The following SLC24A2 variants were observed in gnomAD, a reference collection of about 807,000 sequenced individuals.
SLC24A2 encodes the protein solute carrier family 24 member 2, also known as sodium/potassium/calcium exchanger 2.
In SLC24A2, 36 loss-of-function variants were observed where a neutral mutation model predicts 62.0. The ratio of observed to expected loss-of-function variants is 0.58; its 90% CI spans 0.44 to 0.77. The LOEUF (loss-of-function observed/expected upper bound fraction) is 0.77, where lower values mean the gene tolerates loss of function less well. Among genes scored for constraint, SLC24A2 ranks in the 30% least tolerant of loss-of-function variants. The pLI is 0.00. For synonymous variants in SLC24A2, 358 were observed against 294.0 expected (o/e 1.22, Z -2.23); for missense variants, 846 against 817.9 (o/e 1.03, Z -0.42).
chr9:19,762,386 G>C (rs1484680215), intron 2 of SLC24A2, among the ~76,000 whole-genome samples: 1 of 152,146 alleles, frequency 6.6e-6, no homozygotes, highest in African/African-American at 2.4e-5. Flanking sequence ...CTTTGCCCAT[G>C]CCTATGTCCT....
At chr9:20,234,783 T>C in the SLC24A2 span, among the ~76,000 whole-genome samples, 2 of 152,114 alleles carry the variant, frequency 1.3e-5, no homozygotes, top group African/African-American at 4.8e-5. Context: ...CTGTGTTCCT[T>C]TGGAGGAGGA....
intron 2 of SLC24A2, among the ~76,000 whole-genome samples, chr9:19,636,309 C>T (rs550303991): frequency 2.5e-5 from 1 of 40,438 alleles, no homozygotes; most frequent in African/African-American, 1.0e-4. Context: ...CTTTTCTTTT[C>T]TTTTCTTTTC....
intron 5 of SLC24A2, among the ~76,000 whole-genome samples, chr9:19,595,783 C>A (rs1217524543): frequency 6.6e-6 from 1 of 152,096 alleles, no homozygotes; most frequent in Non-Finnish European, 1.5e-5. Flanking sequence ...AGGTAATGGA[C>A]AGGATGGAGG....
the SLC24A2 span, among the ~76,000 whole-genome samples, chr9:20,116,100 C>T: frequency 6.6e-6 from 1 of 152,120 alleles, no homozygotes; most frequent in African/African-American, 2.4e-5. Context: ...GAAGTTGTCT[C>T]AAGACCAAAA....
chr9:19,620,402 G>C (rs891913109), intron 3 of SLC24A2, among the ~76,000 whole-genome samples: 1 of 152,158 alleles, frequency 6.6e-6, no homozygotes, highest in African/African-American at 2.4e-5. Flanking sequence ...AAGCAGCATA[G>C]CTTGTGTTAA....
chr9:19,793,088 A>C (rs971545857), upstream of SLC24A2, among the ~76,000 whole-genome samples: 1 of 152,238 alleles, frequency 6.6e-6, no homozygotes, highest in Non-Finnish European at 1.5e-5. Context: ...ATTTTGGCTA[A>C]CACATATCTG....
intron 2 of SLC24A2, among the ~76,000 whole-genome samples, chr9:19,699,378 T>C (rs1820290679): frequency 2.0e-5 from 3 of 152,152 alleles, no homozygotes; most frequent in South Asian, 4.1e-4. Context: ...TCCACTGCTG[T>C]TGGAAATAAA....
chr9:19,589,193 A>G (rs1379146329), intron 5 of SLC24A2, among the ~76,000 whole-genome samples: 3 of 152,248 alleles, frequency 2.0e-5, no homozygotes, highest in Non-Finnish European at 4.4e-5. Context: ...TGTAATAACT[A>G]AATAAATCAA....
chr9:20,045,025 G>A, the SLC24A2 span, among the ~76,000 whole-genome samples: 3 of 152,102 alleles, frequency 2.0e-5, no homozygotes, highest in African/African-American at 7.2e-5. Context: ...TTCTAGCACA[G>A]TGTCTGGTAT....
intron 2 of SLC24A2, among the ~76,000 whole-genome samples, chr9:19,642,671 C>CTT (rs71335440): frequency 1.9e-4 from 15 of 79,848 alleles, no homozygotes; most frequent in Non-Finnish European, 2.5e-4. Context: ...AGAGCGTATT[C>CTT]TTTTTTTTTT....
rs7846988 is a variant in SLC24A2 at position 19,513,498 on chromosome 9, A to G, written c.*2655T>C. On this transcript the variant is annotated 3_prime_UTR_variant, in exon 11 of 11. Transcript: ENST00000341998. ...TGACTGATGTGGGAACGGGGCTTGG[A>G]AATTTTGTCTTCTCAAATGCAACTT... 2.6e-5 allele frequency: 4 copies of G among 152,048 alleles called. No homozygotes were observed. The highest frequency in any genetic ancestry group is 9.7e-5 in the African/African-American group (4 of 41,388). The allele number at this position is 152,048 out of a possible 1,614,324, so 9.4% of individuals were successfully genotyped here.
chr9:19,823,297 TTGTGTGTGTGTGTG>T, the SLC24A2 span, among the ~76,000 whole-genome samples: 3 of 150,142 alleles, frequency 2.0e-5, no homozygotes, highest in South Asian at 2.1e-4. Flanking sequence ...TGTATTAACA[TTGTGTGTGTGTGTG>T]TGTGTGTGTG....
At chr9:19,604,784 G>A (rs1415507772) in intron 4 of SLC24A2, among the ~76,000 whole-genome samples, 1 of 152,182 alleles carries the variant, frequency 6.6e-6, no homozygotes, top group African/African-American at 2.4e-5. Context: ...TGATGTGACA[G>A]TAATTCAAGG....
intron 2 of SLC24A2, among the ~76,000 whole-genome samples, chr9:19,653,846 CA>C (rs1174665977): frequency 6.6e-6 from 1 of 152,192 alleles, no homozygotes; most frequent in Non-Finnish European, 1.5e-5. Flanking sequence ...TGCTGGCCCT[CA>C]AAGTTGCAGC....
At chr9:20,135,408 T>A in the SLC24A2 span, among the ~76,000 whole-genome samples, 23 of 147,300 alleles carry the variant, frequency 1.6e-4, no homozygotes, top group Non-Finnish European at 1.3e-4. Context: ...ATTACCTCAG[T>A]AATTAAAAGC....
chr9:19,887,095 T>C, the SLC24A2 span, among the ~76,000 whole-genome samples: 1 of 152,204 alleles, frequency 6.6e-6, no homozygotes, highest in African/African-American at 2.4e-5. Flanking sequence ...AGCTGATGCG[T>C]GCTGCGCTTA....
the SLC24A2 span, among the ~76,000 whole-genome samples, chr9:20,109,376 A>G: frequency 6.6e-6 from 1 of 152,312 alleles, no homozygotes; most frequent in East Asian, 1.9e-4. Context: ...TAGGGACTTG[A>G]ATTTCAGGAA....
rs796153535 is a variant in SLC24A2 at position 19,589,873 on chromosome 9, C to T, written c.1129+7356G>A. ...ATCTTGAGCATTGCAAAAGAAGGGG[C>T]ATCAAAGCATCCATTATCTGAACAC... On this transcript the variant is annotated intron_variant, in intron 5 of 10. Transcript: ENST00000341998. Among the ~76,000 whole-genome samples the T allele has an allele frequency of 2.0e-4, 30 of 152,244 alleles. 1 individual carries two copies. Among genetic ancestry groups the T allele is most frequent in the African/African-American group, 6.0e-4 (25 of 41,552 alleles).
At chr9:20,225,560 T>TTATA in the SLC24A2 span, among the ~76,000 whole-genome samples, 4 of 100,270 alleles carry the variant, frequency 4.0e-5, 1 homozygote, top group African/African-American at 1.0e-4. Context: ...ACTATATATA[T>TTATA]TATATATATA....
Sources: allele counts gnomAD v4.1 joint callset (sites outside exome capture counted in the v4.1 genomes callset), GRCh38; gene constraint gnomAD v4.1.1; transcripts MANE v1.5; gene names NCBI Gene and HGNC (gene_info 2026-07-23, HGNC 2026-07-21).